Variants in EXOC6B observed in about 807,000 individuals in gnomAD.
The protein encoded by EXOC6B is exocyst complex component 6B.
EXOC6B carries 54 observed loss-of-function variants against 113.5 expected under a neutral mutation model. The observed-to-expected ratio is 0.48, with a 90% confidence interval of 0.38 to 0.60. The LOEUF (loss-of-function observed/expected upper bound fraction) is 0.60. EXOC6B is among the 20% of genes least tolerant of loss of function. The probability of loss-of-function intolerance (pLI) is 0.00; values close to 1 mark genes in which losing one functional copy is unlikely to be tolerated. For synonymous variants in EXOC6B, 357 were observed against 339.0 expected (o/e 1.05, Z -0.58); for missense variants, 797 against 977.5 (o/e 0.82, Z 2.46).
chr2:72,333,297 C>T (rs755433204), intron 20 of EXOC6B, among the ~76,000 whole-genome samples: 4 of 152,126 alleles, frequency 2.6e-5, no homozygotes, highest in Non-Finnish European at 5.9e-5. Flanking sequence ...TAACTTACTC[C>T]CTTAGTTAAC....
chr2:72,574,521 G>A (rs1704712383), intron 7 of EXOC6B, among the ~76,000 whole-genome samples: 1 of 152,158 alleles, frequency 6.6e-6, no homozygotes. Flanking sequence ...CACGAGAGTA[G>A]TAAGGGTATA....
At chr2:72,180,776 C>G (rs1678029939) in intron 21 of EXOC6B, among the ~76,000 whole-genome samples, 1 of 152,162 alleles carries the variant, frequency 6.6e-6, no homozygotes, top group Non-Finnish European at 1.5e-5. Flanking sequence ...CAGAGATTCC[C>G]ACAGGGGCAT....
intron 18 of EXOC6B, among the ~76,000 whole-genome samples, chr2:72,446,506 C>T (rs1005809014): frequency 6.6e-6 from 1 of 152,078 alleles, no homozygotes; most frequent in African/African-American, 2.4e-5. Flanking sequence ...TTATCCTTAC[C>T]AAACTAAAGC....
At chr2:72,405,533 G>A (rs534287092) in intron 18 of EXOC6B, among the ~76,000 whole-genome samples, 1 of 152,336 alleles carries the variant, frequency 6.6e-6, no homozygotes, top group African/African-American at 2.4e-5. Context: ...CCAGAAGAGA[G>A]TGGGGGCCAA....
intron 1 of EXOC6B, among the ~76,000 whole-genome samples, chr2:72,822,739 A>C (rs548845582): frequency 4.9e-4 from 74 of 152,262 alleles, no homozygotes; most frequent in African/African-American, 1.6e-3. Flanking sequence ...GTTTCTCTTC[A>C]GCTAGAAAAC....
At chr2:72,371,429 A>T (rs1003646629) in intron 19 of EXOC6B, among the ~76,000 whole-genome samples, 3 of 152,186 alleles carry the variant, frequency 2.0e-5, no homozygotes, top group African/African-American at 7.2e-5. Context: ...TTGACATAAA[A>T]ATTCTCAACA....
chr2:72,653,970 A>ATT (rs58589218), intron 6 of EXOC6B, among the ~76,000 whole-genome samples: 3,094 of 136,370 alleles, frequency 0.023, 122 homozygotes, highest in African/African-American at 0.078. Context: ...AATTTTATTT[A>ATT]TTTTTTTTTT....
intron 19 of EXOC6B, among the ~76,000 whole-genome samples, chr2:72,342,812 A>G (rs903597244): frequency 6.6e-6 from 1 of 152,130 alleles, no homozygotes; most frequent in African/African-American, 2.4e-5. Flanking sequence ...ACAGAAAACA[A>G]TGAAAAGAAA....
chr2:72,404,583 T>C (rs1693593000), intron 18 of EXOC6B, among the ~76,000 whole-genome samples: 1 of 152,124 alleles, frequency 6.6e-6, no homozygotes, highest in African/African-American at 2.4e-5. Flanking sequence ...CCTCTACTGA[T>C]ACCCAGGTAA....
chr2:72,313,520 G>C (rs1687335226), intron 20 of EXOC6B, among the ~76,000 whole-genome samples: 1 of 152,108 alleles, frequency 6.6e-6, no homozygotes, highest in South Asian at 2.1e-4. Flanking sequence ...CTCTGCATAA[G>C]AGATTTTAGA....
intron 18 of EXOC6B, among the ~76,000 whole-genome samples, chr2:72,405,604 G>A (rs1693688509): frequency 6.6e-6 from 1 of 152,164 alleles, no homozygotes; most frequent in South Asian, 2.1e-4. Flanking sequence ...GCAAAACGAA[G>A]CTTCATAAGT....
chr2:72,366,073 G>T (rs1690609517), intron 19 of EXOC6B, among the ~76,000 whole-genome samples: 1 of 152,048 alleles, frequency 6.6e-6, no homozygotes, highest in African/African-American at 2.4e-5. Flanking sequence ...CAATGACCAG[G>T]ATGCAAAGAA....
chr2:72,221,795 T>C (rs1680881823), intron 20 of EXOC6B, among the ~76,000 whole-genome samples: 1 of 152,176 alleles, frequency 6.6e-6, no homozygotes, highest in South Asian at 2.1e-4. Flanking sequence ...TTCTGAATTG[T>C]CACTATACTC....
intron 5 of EXOC6B, 79 bp downstream of exon 5, chr2:72,730,928 G>T: frequency 4.2e-6 from 4 of 958,618 alleles, no homozygotes; most frequent in African/African-American, 1.7e-5. Flanking sequence ...GAAAAGTTAT[G>T]CTAAATATGG....
At chr2:72,287,396 A>G (rs1348084242) in intron 20 of EXOC6B, among the ~76,000 whole-genome samples, 1 of 150,562 alleles carries the variant, frequency 6.6e-6, no homozygotes, top group Non-Finnish European at 1.5e-5. Context: ...ACGCCACTGC[A>G]CTCCAGCCTG....
In EXOC6B at chr2:72,484,484, G is replaced by A. The variant is rs564245469; in HGVS notation, c.1666-3734C>T. On this transcript the variant is annotated intron_variant, in intron 16 of 21. Coordinates refer to ENST00000272427, the MANE Select transcript of EXOC6B (RefSeq NM_015189.3). Reference sequence around the variant, plus strand: ...CGGGAGGCTGAGGCAGGAGAATGTCGTGAACCCAGGAGGCGGAGCTTGCAG... The same window carrying A: ...CGGGAGGCTGAGGCAGGAGAATGTCATGAACCCAGGAGGCGGAGCTTGCAG... 2.5e-4 allele frequency among the ~76,000 whole-genome samples: 37 copies of A among 149,452 alleles called. No individual in the cohort carries two copies. In the South Asian group the frequency reaches 5.3e-3, roughly 22 times the overall value.
intron 8 of EXOC6B, among the ~76,000 whole-genome samples, chr2:72,523,675 G>C (rs1384677105): frequency 1.3e-5 from 2 of 151,730 alleles, no homozygotes; most frequent in African/African-American, 4.8e-5. Flanking sequence ...CAGCTACTCG[G>C]GAGGCTGAGG....
At chr2:72,819,686 G>C (rs1426069472) in intron 1 of EXOC6B, among the ~76,000 whole-genome samples, 2 of 152,118 alleles carry the variant, frequency 1.3e-5, no homozygotes, top group African/African-American at 2.4e-5. Flanking sequence ...GGTGGAAGAT[G>C]ACTCACACTT....
chr2:72,621,872 G>A (rs192976303), intron 6 of EXOC6B, among the ~76,000 whole-genome samples: 129 of 151,982 alleles, frequency 8.5e-4, no homozygotes, highest in African/African-American at 3.0e-3. Context: ...AAGCATTGTC[G>A]GATATTTTAA....
Sources: allele counts gnomAD v4.1 joint callset (sites outside exome capture counted in the v4.1 genomes callset), GRCh38; gene constraint gnomAD v4.1.1; transcripts MANE v1.5; gene names NCBI Gene and HGNC (gene_info 2026-07-23, HGNC 2026-07-21).